SHANK1: variants seen among roughly 807,000 people sequenced by gnomAD.
SHANK1 encodes SH3 and multiple ankyrin repeat domains 1.
A neutral mutation model predicts 165.6 loss-of-function variants in SHANK1; 35 were observed. That is an observed-to-expected ratio of 0.21 (90% CI 0.16 to 0.28). The LOEUF (loss-of-function observed/expected upper bound fraction) is 0.28, where lower values mean the gene tolerates loss of function less well. SHANK1 is among the 10% of genes least tolerant of loss of function. SHANK1 has a pLI of 1.00. For synonymous variants in SHANK1, 1,428 were observed against 1,384.8 expected (o/e 1.03, Z -0.69); for missense variants, 2,681 against 3,036.4 (o/e 0.88, Z 2.75).
At chr19:50,679,807 CA>C (rs1433103239) in intron 21 of SHANK1, among the ~76,000 whole-genome samples, 1 of 151,406 alleles carries the variant, frequency 6.6e-6, no homozygotes, top group Non-Finnish European at 1.5e-5. Flanking sequence ...GACAAGGAGA[CA>C]CAGAGACAGA....
At chr19:50,676,454 A>G (rs1985988067) in intron 21 of SHANK1, among the ~76,000 whole-genome samples, 1 of 152,096 alleles carries the variant, frequency 6.6e-6, no homozygotes, top group South Asian at 2.1e-4. Context: ...CCCTGAGGTG[A>G]AGGTGAGCCA....
At position 50,668,579 on chromosome 19, in the gene SHANK1, C is replaced by A; in HGVS notation, c.3381G>T (p.Pro1127=). The change falls in exon 23 of 24, where the codon CCG becomes CCT. Residue 1127 remains proline, a synonymous_variant. Coordinates refer to ENST00000293441, the MANE Select transcript of SHANK1 (RefSeq NM_016148.5). ...CCGGGGACGTGGGCGACGGCGCGGG[C>A]GGGAGGCCGCCGCCCTTCTGGGGCT... The part of the protein sequence containing the change: ...EGEPQKGGGL[P]PAPSPTSPAS... The A allele has an allele frequency of 2.2e-6, 3 of 1,341,022 alleles. No homozygotes were observed. Among genetic ancestry groups the A allele is most frequent in the Admixed American group, 3.7e-5 (1 of 26,802 alleles). The allele number at this position is 1,341,022 out of a possible 1,614,324, so 83.1% of individuals were successfully genotyped here.
In SHANK1 at chr19:50,702,356, G is replaced by A. The variant is rs1365913129; in HGVS notation, c.1747+111C>T. On this transcript the variant is annotated intron_variant, in intron 12 of 23. Transcript: ENST00000293441. This position sits in a 1 kb window ranked among gnomAD's most constrained non-coding sequence, Gnocchi z 5.3. ...GTCCTGGGGCTCTCTGAGGTCTCCAGAGTGCATGAGATACTCCAGGTGCCC... is the reference window on the plus strand; with the variant it reads ...GTCCTGGGGCTCTCTGAGGTCTCCAAAGTGCATGAGATACTCCAGGTGCCC... 1 of 932,402 alleles carries A rather than the reference G, an allele frequency of 1.1e-6. No individual in the cohort carries two copies. Among genetic ancestry groups the A allele is most frequent in the African/African-American group, 1.7e-5 (1 of 59,900 alleles). 57.8% of individuals were successfully genotyped at this position (932,402 alleles called of 1,614,324 possible). A position where few individuals can be genotyped will look rare whatever the true frequency, so the allele number is the denominator to read the frequency against.
chr19:50,693,726 C>A (rs912182870), intron 15 of SHANK1, among the ~76,000 whole-genome samples: 15 of 152,178 alleles, frequency 9.9e-5, no homozygotes, highest in Non-Finnish European at 1.9e-4. Flanking sequence ...ACGCCAGCCC[C>A]CCTCCCCATG....
intron 21 of SHANK1, among the ~76,000 whole-genome samples, chr19:50,678,773 TG>T: frequency 2.2e-5 from 1 of 45,622 alleles, no homozygotes; most frequent in Admixed American, 2.1e-4. Context: ...GTCAGGGTGA[TG>T]GGGAGGGGTC....
At position 50,717,060 on chromosome 19, in the gene SHANK1, C is replaced by T; in HGVS notation, c.-43-98G>A. On this transcript the variant is annotated intron_variant, in intron 1 of 23. Transcript: ENST00000293441. The surrounding 1 kb of genome is among the most constrained non-coding windows in gnomAD (Gnocchi z 5.5). ...TCAAGCGGTCAAGGGCAGCCTACCC[C>T]CACTGCCCAAGATAGGCAGGAAGGA... 4.8e-6 allele frequency: 5 copies of T among 1,031,534 alleles called. No homozygotes were observed. The highest frequency in any genetic ancestry group is 6.5e-6 in the Non-Finnish European group (5 of 771,348). 63.9% of individuals were successfully genotyped at this position (1,031,534 alleles called of 1,614,324 possible).
rs769085671 is a variant in SHANK1, at chr19:50,662,724, A to AG, written c.5769-43dup. ...GGGCAGTGGGGGAGGACAGGGATTT[A>AG]GGGGGCAAGGGCAGGGGTGAGAAAG... On this transcript the variant is annotated intron_variant, in intron 23 of 23. Transcript: ENST00000293441. The surrounding 1 kb of genome is among the most constrained non-coding windows in gnomAD (Gnocchi z 7.7). 1.5e-6 allele frequency: 2 copies of AG among 1,313,346 alleles called. No homozygotes were observed. The highest frequency in any genetic ancestry group is 1.3e-5 in the South Asian group (1 of 76,206). The allele number at this position is 1,313,346 out of a possible 1,614,324, so 81.4% of individuals were successfully genotyped here.
Position 50,662,954 on chromosome 19 carries a change from T to C in SHANK1, c.5769-272A>G. On this transcript the variant is annotated intron_variant, in intron 23 of 23. Coordinates refer to ENST00000293441, the MANE Select transcript of SHANK1 (RefSeq NM_016148.5). This position sits in a 1 kb window ranked among gnomAD's most constrained non-coding sequence, Gnocchi z 7.7. ...AAAAAGAGACATTAAGTGATAATAA[T>C]AATAATCGTCACCGCTTACTGATGC... 2.0e-6 allele frequency: 1 copy of C among 490,058 alleles called. No homozygotes were observed. The allele number at this position is 490,058 out of a possible 1,614,324, so 30.4% of individuals were successfully genotyped here.
intron 8 of SHANK1, among the ~76,000 whole-genome samples, chr19:50,707,935 TC>T (rs1456578031): frequency 3.9e-5 from 5 of 126,884 alleles, no homozygotes; most frequent in African/African-American, 6.8e-5. Flanking sequence ...TCTTTTCTTT[TC>T]TTTTCTTTTC....
chr19:50,692,015 G>C (rs116388921), intron 15 of SHANK1, among the ~76,000 whole-genome samples: 290 of 152,220 alleles, frequency 1.9e-3, no homozygotes, highest in African/African-American at 6.7e-3. Flanking sequence ...AGGAAACAGA[G>C]GCACAGAAAG....
rs993572814 is a variant in SHANK1 at position 50,717,154 on chromosome 19, C to T, written c.-43-192G>A. 2.0e-5 allele frequency among the ~76,000 whole-genome samples: 3 copies of T among 151,484 alleles called. No individual in the cohort carries two copies. The highest frequency in any genetic ancestry group is 4.4e-5 in the Non-Finnish European group (3 of 67,588). On this transcript the variant is annotated intron_variant, in intron 1 of 23. Transcript: ENST00000293441. This position sits in a 1 kb window ranked among gnomAD's most constrained non-coding sequence, Gnocchi z 5.5. Reference sequence around the variant, plus strand: ...CTCCCACGCTGGCACGCACACACCCCTGTCCCTGACATGCTTCTGGCATGT... The same window carrying T: ...CTCCCACGCTGGCACGCACACACCCTTGTCCCTGACATGCTTCTGGCATGT...
chr19:50,673,076 C>T (rs928680444), intron 21 of SHANK1, among the ~76,000 whole-genome samples: 1 of 152,146 alleles, frequency 6.6e-6, no homozygotes, highest in Non-Finnish European at 1.5e-5. Context: ...TTATGTGTCC[C>T]TGCTTCCTGG....
In SHANK1 at chr19:50,690,515, T is replaced by C. The variant is rs1352970855; in HGVS notation, c.1965-1236A>G. Among the ~76,000 whole-genome samples the C allele has an allele frequency of 6.6e-6, 1 of 152,102 alleles. No homozygotes were observed. The highest frequency in any genetic ancestry group is 1.5e-5 in the Non-Finnish European group (1 of 68,022). On this transcript the variant is annotated intron_variant, in intron 15 of 23. Transcript: ENST00000293441. This position sits in a 1 kb window ranked among gnomAD's most constrained non-coding sequence, Gnocchi z 4.9. The stretch of plus-strand genomic sequence containing the variant: ...GAACGCGTGCTCTGCTGTGCTGAGC[T>C]TCCTTCAGCACTGTCTAAAGCCTGT...
chr19:50,701,949 A>G (rs1053747064), intron 12 of SHANK1, among the ~76,000 whole-genome samples: 2 of 152,186 alleles, frequency 1.3e-5, no homozygotes, highest in African/African-American at 4.8e-5. Flanking sequence ...AACATCTTAT[A>G]TCTGCCAGCT....
At chr19:50,707,128 G>A (rs1208167112) in intron 8 of SHANK1, among the ~76,000 whole-genome samples, 1 of 152,082 alleles carries the variant, frequency 6.6e-6, no homozygotes, top group East Asian at 1.9e-4. Flanking sequence ...GGCACTCTAA[G>A]CCAATGTTAA....
intron 21 of SHANK1, among the ~76,000 whole-genome samples, chr19:50,685,012 G>A (rs938498278): frequency 6.6e-6 from 1 of 152,200 alleles, no homozygotes; most frequent in African/African-American, 2.4e-5. Context: ...AGAGATCCAT[G>A]ACCCCCTAAA....
rs957929822 is a variant in SHANK1, at chr19:50,702,144, T to C, written c.1747+323A>G. Among the ~76,000 whole-genome samples, 1 of 125,664 alleles carries C rather than the reference T, an allele frequency of 8.0e-6. No homozygotes were observed. Among genetic ancestry groups the C allele is most frequent in the Non-Finnish European group, 1.7e-5 (1 of 59,302 alleles). 82.4% of individuals were successfully genotyped at this position (125,664 alleles called of 152,430 possible). Reference sequence around the variant, plus strand: ...GTGTGAGGTTCTGTTCCTTCAACCATGCAATGGGGCCCATGACCTCCCTCC... The same window carrying C: ...GTGTGAGGTTCTGTTCCTTCAACCACGCAATGGGGCCCATGACCTCCCTCC... On this transcript the variant is annotated intron_variant, in intron 12 of 23. Coordinates refer to ENST00000293441, the MANE Select transcript of SHANK1 (RefSeq NM_016148.5). The surrounding 1 kb of genome is among the most constrained non-coding windows in gnomAD (Gnocchi z 5.3).
intron 8 of SHANK1, among the ~76,000 whole-genome samples, chr19:50,710,025 G>A (rs1045661138): frequency 3.6e-4 from 55 of 152,268 alleles, no homozygotes; most frequent in South Asian, 4.1e-4. Context: ...AAGAGCTGGC[G>A]TTATTCCCAT....
Position 50,667,414 on chromosome 19 carries a change from G to A in SHANK1, c.4546C>T (p.Pro1516Ser). The stretch of plus-strand genomic sequence containing the variant: ...CGTGGGCTGGGCGGCGGGACCCCCG[G>A]CCCGTCCTCCGAGGGGGGACCCCTT... ...SGRGPPSEDG[P>S]GVPPPSPRRS... The change falls in exon 23 of 24, where the codon CCG becomes TCG. Residue 1516 changes from proline (P) to serine (S), a missense_variant. By Grantham distance (74) the Pro-to-Ser change is moderately conservative (BLOSUM62 -1). Coordinates refer to ENST00000293441, the MANE Select transcript of SHANK1 (RefSeq NM_016148.5). The surrounding 1 kb of genome is among the most constrained non-coding windows in gnomAD (Gnocchi z 5.7). 1 of 1,518,870 alleles carries A rather than the reference G, an allele frequency of 6.6e-7. No homozygotes were observed. The highest frequency in any genetic ancestry group is 8.8e-7 in the Non-Finnish European group (1 of 1,140,290). The allele number at this position is 1,518,870 out of a possible 1,614,324, so 94.1% of individuals were successfully genotyped here.
Sources: allele counts gnomAD v4.1 joint callset (sites outside exome capture counted in the v4.1 genomes callset), GRCh38; gene constraint gnomAD v4.1.1; non-coding constraint Gnocchi (gnomAD v3.1); transcripts MANE v1.5; gene names NCBI Gene and HGNC (gene_info 2026-07-23, HGNC 2026-07-21).